The following PAN2 variants were observed in gnomAD, a reference collection of about 807,000 sequenced individuals.
The protein encoded by PAN2 is poly(A) specific ribonuclease subunit PAN2, also known as PAN2-PAN3 deadenylation complex catalytic subunit PAN2.
In PAN2, 68 loss-of-function variants were observed where a neutral mutation model predicts 133.3. That is an observed-to-expected ratio of 0.51 (90% confidence interval 0.42 to 0.62). The LOEUF is 0.62. Among genes scored for constraint, PAN2 ranks in the 20% least tolerant of loss-of-function variants. PAN2 has a pLI of 0.00. For missense variants in PAN2, 1,042 were observed against 1,500.5 expected, an observed-to-expected ratio of 0.69 and a Z score of 5.05; for synonymous variants, 462 against 544.6, an observed-to-expected ratio of 0.85 and a Z score of 2.11.
At chr12:56,322,220 TC>T in intron 19 of PAN2, 52 bp from the exon 20 acceptor site, 1 of 1,260,048 alleles carries the variant, frequency 7.9e-7, no homozygotes, top group Non-Finnish European at 1.2e-6. Flanking sequence ...CTTTTCCTTT[TC>T]CCCCACTTCA....
At chr12:56,322,534 C>T (rs1489329040) in intron 18 of PAN2, 52 bp from the exon 19 acceptor site, 1 of 1,609,162 alleles carries the variant, frequency 6.2e-7, no homozygotes, top group East Asian at 2.2e-5. Flanking sequence ...GGCTGGACCA[C>T]TCTGTCTCAG....
At chr12:56,332,644 G>C (rs1876041442) in intron 2 of PAN2, 169 bp downstream of exon 2, 3 of 537,600 alleles carry the variant, frequency 5.6e-6, no homozygotes, top group Non-Finnish European at 1.0e-5. Context: ...GAAAGAATAT[G>C]TCATTTACTC....
rs1918496 is a variant in PAN2 at position 56,328,276 on chromosome 12, T to G, written c.535A>C (p.Ile179Leu). The G allele has an allele frequency of 0.97, 1,561,516 of 1,607,762 alleles. 768,342 individuals carry two copies. The highest frequency in any genetic ancestry group is 1 in the East Asian group (44,807 of 44,808). The change falls in exon 4 of 26, where the codon ATA becomes CTA. Residue 179 changes from isoleucine to leucine, a missense_variant. This residue lies in a region of PAN2 where 908 missense variants were observed against 1,223.5 expected (regional missense o/e 0.74). Coordinates refer to ENST00000440411, the MANE Select transcript of PAN2 (RefSeq NM_014871.6). ...LLVGGLQNHI[I>L]EIDLNTVQET... The stretch of plus-strand genomic sequence containing the variant: ...TGGACAGTGTTAAGATCAATCTCTA[T>G]TATGTGATTCTGCAGCCCACCAACG...
intron 20 of PAN2, 147 bp from the exon 21 acceptor site, chr12:56,320,168 A>G: frequency 1.4e-6 from 1 of 712,696 alleles, no homozygotes. Context: ...TGTCTGATAA[A>G]TGGGACAGGT....
In PAN2 at chr12:56,317,290, GT is replaced by G. The variant is rs1874031240; in HGVS notation, c.*318del. ...AGCCAGCTAGGAACTTACAGTTATGGTTCCAGGAGCTTCTCTGCCTGGATAT... is the reference window on the plus strand; with the variant it reads ...AGCCAGCTAGGAACTTACAGTTATGGTCCAGGAGCTTCTCTGCCTGGATAT... On this transcript the variant is annotated 3_prime_UTR_variant, in exon 26 of 26. Transcript: ENST00000440411. 3 of 345,460 alleles carry G rather than the reference GT, an allele frequency of 8.7e-6. No individual in the cohort carries two copies. Among genetic ancestry groups the G allele is most frequent in the Non-Finnish European group, 1.6e-5 (3 of 186,130 alleles). The allele number at this position is 345,460 out of a possible 1,614,324, so 21.4% of individuals were successfully genotyped here. A position where few individuals can be genotyped will look rare whatever the true frequency, so the allele number is the denominator to read the frequency against.
At chr12:56,320,467 G>A (rs574334153) in intron 20 of PAN2, among the ~76,000 whole-genome samples, 31 of 151,966 alleles carry the variant, frequency 2.0e-4, no homozygotes, top group African/African-American at 6.3e-4. Context: ...GTGAAACCCC[G>A]TCTCTACTAA....
chr12:56,327,689 C>T lies in PAN2; in HGVS notation c.652-58G>A. ...CTGTTATCAGGAAAAATACCTGCCA[C>T]CTACCTAACCCAGTGGGGTCCCTAC... On this transcript the variant is annotated intron_variant, in intron 5 of 25. Coordinates refer to ENST00000440411, the MANE Select transcript of PAN2 (RefSeq NM_014871.6). The T allele has an allele frequency of 3.2e-6, 5 of 1,573,918 alleles. No individual in the cohort carries two copies. In the South Asian group the frequency reaches 4.5e-5, roughly 14 times the overall value.
chr12:56,321,873 T>C (rs911050630), intron 20 of PAN2, among the ~76,000 whole-genome samples: 1 of 152,064 alleles, frequency 6.6e-6, no homozygotes. Flanking sequence ...AAAATTTTTT[T>C]TCAAAGAGAT....
intron 4 of PAN2, 47 bp downstream of exon 4, chr12:56,328,191 C>A: frequency 6.3e-7 from 1 of 1,592,742 alleles, no homozygotes; most frequent in South Asian, 1.1e-5. Context: ...CCTGCCCCCG[C>A]AACAACCTCA....
rs747848903 is a variant in PAN2 at position 56,322,612 on chromosome 12, C to T, written c.2637+3G>A. The T allele has an allele frequency of 1.4e-5, 23 of 1,614,014 alleles. No individual in the cohort carries two copies. Among genetic ancestry groups the T allele is most frequent in the Non-Finnish European group, 1.8e-5 (21 of 1,179,990 alleles). On this transcript the variant is annotated splice_donor_region_variant and intron_variant, in intron 18 of 25. Transcript: ENST00000440411. ...TGTTCCTGCCCTCTACAACCTCACT[C>T]ACCTCCTTGCGCTGGTGGTAGGTCT...
rs753096524 is a variant in PAN2 at position 56,318,333 on chromosome 12, G to A, written c.3466C>T (p.Pro1156Ser). The A allele has an allele frequency of 6.2e-7, 1 of 1,613,956 alleles. No individual in the cohort carries two copies. The highest frequency in any genetic ancestry group is 8.5e-7 in the Non-Finnish European group (1 of 1,179,898). The change falls in exon 25 of 26, where the codon CCT becomes TCT. Residue 1156 changes from proline to serine, a missense_variant. Around this residue, in one of 3 missense-constraint regions of PAN2, gnomAD observed 85 missense variants for 116.5 expected, o/e 0.73. Transcript: ENST00000440411. The stretch of plus-strand genomic sequence containing the variant: ...TTGAGCACCTTGTGGAAAGACTCAG[G>A]CTCAGTGCCATTTTTGCTTAGCTCC... ...YLELSKNGTEPESFHKVLKGL... is the reference protein window; with the variant it reads ...YLELSKNGTESESFHKVLKGL...
chr12:56,330,952 C>A (rs888589052), intron 2 of PAN2, among the ~76,000 whole-genome samples: 9 of 152,090 alleles, frequency 5.9e-5, no homozygotes, highest in Non-Finnish European at 1.3e-4. Flanking sequence ...GAACCTGCCA[C>A]CACACCCAGC....
intron 16 of PAN2, 29 bp from the exon 17 acceptor site, chr12:56,323,238 T>C: frequency 1.9e-6 from 3 of 1,613,936 alleles, no homozygotes; most frequent in Non-Finnish European, 2.5e-6. Context: ...TGGAAATTTG[T>C]TCCGAAAGAG....
rs200902856 is a variant in PAN2, at chr12:56,319,283, G to A, written c.3270+25C>T. The A allele has an allele frequency of 3.6e-5, 58 of 1,611,568 alleles. No homozygotes were observed. In the Admixed American group the frequency reaches 9.6e-4, roughly 27 times the overall value. ...CCTGAGGGGCCCACTCTCACAAGAA[G>A]ACTCTTAAAAGAGCCCTGCCAAACC... On this transcript the variant is annotated intron_variant, in intron 23 of 25. Coordinates refer to ENST00000440411, the MANE Select transcript of PAN2 (RefSeq NM_014871.6). This position sits in a 1 kb window ranked among gnomAD's most constrained non-coding sequence, Gnocchi z 5.4.
intron 5 of PAN2, 103 bp from the exon 6 acceptor site, chr12:56,327,734 G>A (rs1375187100): frequency 1.5e-6 from 2 of 1,377,136 alleles, no homozygotes; most frequent in African/African-American, 1.5e-5. Context: ...TAGGGCTTTA[G>A]GACAGGGAAA....
chr12:56,322,494 C>A lies in PAN2; in HGVS notation c.2638-12G>T. 6.2e-7 allele frequency: 1 copy of A among 1,613,678 alleles called. No individual in the cohort carries two copies. Among genetic ancestry groups the A allele is most frequent in the Non-Finnish European group, 8.5e-7 (1 of 1,179,564 alleles). On this transcript the variant is annotated splice_polypyrimidine_tract_variant and intron_variant, in intron 18 of 25. Transcript: ENST00000440411. ...TGGTGAGTAACGCCCTATGGAAATA[C>A]AAAGAAAGCCTGTGGCGATACAAAT...
chr12:56,327,696 A>C, intron 5 of PAN2, 65 bp from the exon 6 acceptor site: 2 of 1,554,530 alleles, frequency 1.3e-6, no homozygotes, highest in Non-Finnish European at 1.8e-6. Flanking sequence ...CCACCTACCT[A>C]ACCCAGTGGG....
At position 56,317,650 on chromosome 12, in the gene PAN2, GA is replaced by G; in HGVS notation, c.3563-8del. On this transcript the variant is annotated splice_region_variant and splice_polypyrimidine_tract_variant and intron_variant, in intron 25 of 25. Transcript: ENST00000440411. ...GAGGAGAAGACAGCTGCATCTGTCAGAGACAAAACCAAAAGCATGATTCAAG... is the reference window on the plus strand; with the variant it reads ...GAGGAGAAGACAGCTGCATCTGTCAGGACAAAACCAAAAGCATGATTCAAG... 6.2e-7 allele frequency: 1 copy of G among 1,613,210 alleles called. No individual in the cohort carries two copies. The highest frequency in any genetic ancestry group is 1.3e-5 in the African/African-American group (1 of 75,054).
rs185741202 is a variant in PAN2 at position 56,325,339 on chromosome 12, C to A, written c.1475G>T (p.Arg492Leu). ...PHLHMVSKKY[R>L]KVTIKYSKLG... ...GGCCCTGATGTCCCCCAGCACCTTGCGGTATTTCTTAGAAACCATGTGGAG... is the reference window on the plus strand; with the variant it reads ...GGCCCTGATGTCCCCCAGCACCTTGAGGTATTTCTTAGAAACCATGTGGAG... The change falls in exon 9 of 26, where the codon CGC (arginine) becomes CTC (leucine). Residue 492 changes from arginine to leucine, a missense_variant. By Grantham distance (102) the Arg-to-Leu change is moderately radical (BLOSUM62 -2). Around this residue, in one of 3 missense-constraint regions of PAN2, gnomAD observed 908 missense variants for 1,223.5 expected, o/e 0.74. Coordinates refer to ENST00000440411, the MANE Select transcript of PAN2 (RefSeq NM_014871.6). 2 of 1,614,142 alleles carry A rather than the reference C, an allele frequency of 1.2e-6. No homozygotes were observed. Among genetic ancestry groups the A allele is most frequent in the East Asian group, 2.2e-5 (1 of 44,884 alleles).
Sources: allele counts gnomAD v4.1 joint callset (sites outside exome capture counted in the v4.1 genomes callset), GRCh38; gene constraint gnomAD v4.1.1; regional missense constraint gnomAD v4.1.1; non-coding constraint Gnocchi (gnomAD v3.1); transcripts MANE v1.5; gene names NCBI Gene and HGNC (gene_info 2026-07-23, HGNC 2026-07-21).